The following PELI1 variants were observed in gnomAD, a reference collection of about 807,000 sequenced individuals.
The protein encoded by PELI1 is E3 ubiquitin-protein ligase pellino homolog 1.
In PELI1, 15 loss-of-function variants were observed where a neutral mutation model predicts 41.3. The observed-to-expected ratio is 0.36, with a 90% confidence interval of 0.24 to 0.56. The LOEUF is 0.56. PELI1 is among the 20% of genes least tolerant of loss of function. The probability of loss-of-function intolerance (pLI) is 0.82; values close to 1 mark genes in which losing one functional copy is unlikely to be tolerated. For missense variants in PELI1, 403 were observed against 525.5 expected (o/e 0.77, Z 2.28); for synonymous variants, 178 against 180.1 (o/e 0.99, Z 0.09).
chr2:64,136,681 G>A (rs1681726487), intron 1 of PELI1, among the ~76,000 whole-genome samples: 1 of 152,222 alleles, frequency 6.6e-6, no homozygotes, highest in African/African-American at 2.4e-5. Flanking sequence ...TGAGGCAGTG[G>A]ATCACGAGGT....
At chr2:64,124,400 T>C (rs891093562) in intron 1 of PELI1, among the ~76,000 whole-genome samples, 1 of 152,216 alleles carries the variant, frequency 6.6e-6, no homozygotes, top group Non-Finnish European at 1.5e-5. Context: ...CACTGGAAGC[T>C]GGCACATACC....
At chr2:64,101,235 G>T (rs1680419163) in intron 3 of PELI1, among the ~76,000 whole-genome samples, 1 of 151,812 alleles carries the variant, frequency 6.6e-6, no homozygotes. Context: ...TAACCATTTT[G>T]TGACTCTACA....
chr2:64,143,657 G>A (rs1681993589), intron 1 of PELI1: 1 of 152,204 alleles, frequency 6.6e-6, no homozygotes, highest in African/African-American at 2.4e-5. Flanking sequence ...CTAACTTGAA[G>A]TCTGCGTTAT....
intron 4 of PELI1, among the ~76,000 whole-genome samples, chr2:64,099,224 T>C (rs1174498598): frequency 6.6e-6 from 1 of 151,652 alleles, no homozygotes; most frequent in African/African-American, 2.4e-5. Flanking sequence ...CTATATTTTA[T>C]TAAAGAGACG....
intron 1 of PELI1, among the ~76,000 whole-genome samples, chr2:64,138,118 T>G (rs571897964): frequency 6.5e-4 from 99 of 152,256 alleles, no homozygotes; most frequent in African/African-American, 1.6e-3. Flanking sequence ...GTTTTGTTTT[T>G]TTTAGACAGG....
rs70965174 is a variant in PELI1 at position 64,099,165 on chromosome 2, TACACAC to T, written c.303+1227_303+1232del. ...AGCCTGTGACCAAATATCTTGGAGA[TACACAC>T]ACACACACACACACACACACACACA... On this transcript the variant is annotated intron_variant, in intron 4 of 6. Coordinates refer to ENST00000358912, the MANE Select transcript of PELI1 (RefSeq NM_020651.4). Among the ~76,000 whole-genome samples the T allele has an allele frequency of 5.7e-3, 830 of 144,888 alleles. 3 individuals carry two copies. Among genetic ancestry groups the T allele is most frequent in the Admixed American group, 8.0e-3 (115 of 14,378 alleles).
chr2:64,121,530 A>C (rs1681210254), intron 1 of PELI1, among the ~76,000 whole-genome samples: 1 of 152,234 alleles, frequency 6.6e-6, no homozygotes, highest in Admixed American at 6.5e-5. Context: ...TGTTTATATC[A>C]AATAATCTCT....
intron 3 of PELI1, 34 bp downstream of exon 3, chr2:64,104,667 G>A: frequency 6.7e-7 from 1 of 1,493,850 alleles, no homozygotes; most frequent in Non-Finnish European, 9.0e-7. Context: ...AATTCTCCAA[G>A]TTAATTTATG....
At chr2:64,104,596 T>G (rs1680556744) in intron 3 of PELI1, 105 bp downstream of exon 3, 19 of 1,377,962 alleles carry the variant, frequency 1.4e-5, no homozygotes, top group Non-Finnish European at 1.8e-5. Flanking sequence ...AAAAGGCAAT[T>G]TCTGAAATAG....
In PELI1 at chr2:64,094,978, A is replaced by C; in HGVS notation, c.981T>G (p.Asp327Glu). Residue 327 changes from aspartate (D) to glutamate (E), a missense_variant, in exon 7 of 7, where the codon GAT (aspartate) becomes GAG (glutamate). Transcript: ENST00000358912. ...YHNWGNKEER[D>E]GKDRECPMCR... ...ACATAGGACATTCACGATCTTTTCC[A>C]TCACGTTCTTCTTTGTTTCCCCAGT... The C allele has an allele frequency of 1.2e-6, 2 of 1,614,234 alleles. No homozygotes were observed. Among genetic ancestry groups the C allele is most frequent in the Non-Finnish European group, 1.7e-6 (2 of 1,180,034 alleles).
intron 2 of PELI1, 84 bp downstream of exon 2, chr2:64,108,156 C>T: frequency 1.6e-6 from 1 of 641,660 alleles, no homozygotes; most frequent in African/African-American, 1.9e-5. Context: ...ATATAAATTC[C>T]AAAAAAAAAA....
intron 3 of PELI1, among the ~76,000 whole-genome samples, chr2:64,101,864 G>A (rs1006046923): frequency 7.9e-6 from 1 of 127,050 alleles, no homozygotes; most frequent in African/African-American, 3.2e-5. Context: ...GTCTCGCTCT[G>A]TCGCCTAGGT....
At chr2:64,096,805 G>C (rs1324745948) in intron 4 of PELI1, among the ~76,000 whole-genome samples, 195 bp from the exon 5 acceptor site, 1 of 152,154 alleles carries the variant, frequency 6.6e-6, no homozygotes, top group Non-Finnish European at 1.5e-5. Flanking sequence ...TAATCACTTA[G>C]AGCATGGAAT....
At position 64,096,971 on chromosome 2, in the gene PELI1, A is replaced by T. The variant is rs192440459; in HGVS notation, c.304-361T>A. Among the ~76,000 whole-genome samples, 6 of 152,336 alleles carry T rather than the reference A, an allele frequency of 3.9e-5. No homozygotes were observed. The East Asian group carries it at 7.7e-4, about 20-fold the overall frequency. On this transcript the variant is annotated intron_variant, in intron 4 of 6. Transcript: ENST00000358912. Reference sequence around the variant, plus strand: ...TTTCTCTTTAGAGATATTTAAAGAGATATTCTACCTTATTTAACAGAATAT... The same window carrying T: ...TTTCTCTTTAGAGATATTTAAAGAGTTATTCTACCTTATTTAACAGAATAT...
intron 1 of PELI1, among the ~76,000 whole-genome samples, chr2:64,125,322 A>T (rs939719976): frequency 6.6e-6 from 1 of 152,180 alleles, no homozygotes; most frequent in African/African-American, 2.4e-5. Context: ...GTTACCTATT[A>T]TGATCAGAAA....
chr2:64,108,794 A>G (rs976969032), intron 1 of PELI1, among the ~76,000 whole-genome samples: 2 of 152,218 alleles, frequency 1.3e-5, no homozygotes, highest in Non-Finnish European at 2.9e-5. Flanking sequence ...TTGGAGCTAA[A>G]GAAGGCAGCA....
chr2:64,103,063 G>A (rs1273152700), intron 3 of PELI1, among the ~76,000 whole-genome samples: 2 of 151,848 alleles, frequency 1.3e-5, no homozygotes, highest in East Asian at 1.9e-4. Context: ...GGCTGGTCTC[G>A]AACTCCCGAG....
At chr2:64,117,135 A>G (rs2103708992) in intron 1 of PELI1, among the ~76,000 whole-genome samples, 1 of 152,260 alleles carries the variant, frequency 6.6e-6, no homozygotes, top group African/African-American at 2.4e-5. Context: ...AATTATGCCA[A>G]TTAATACTCC....
chr2:64,104,864 G>T, intron 2 of PELI1, 34 bp from the exon 3 acceptor site: 2 of 1,582,042 alleles, frequency 1.3e-6, no homozygotes, highest in Non-Finnish European at 1.7e-6. Context: ...GTGATCTCTT[G>T]CAAGAACTGC....
Sources: allele counts gnomAD v4.1 joint callset (sites outside exome capture counted in the v4.1 genomes callset), GRCh38; gene constraint gnomAD v4.1.1; transcripts MANE v1.5; gene names NCBI Gene and HGNC (gene_info 2026-07-23, HGNC 2026-07-21).